ARHGEF25: variants seen among roughly 807,000 people sequenced by gnomAD.
ARHGEF25 encodes RAC/CDC42 exchange factor.
Under a neutral mutation model 74.0 loss-of-function variants are expected in ARHGEF25, and 42 were observed. That is an observed-to-expected ratio of 0.57 (90% confidence interval 0.44 to 0.73). The LOEUF (loss-of-function observed/expected upper bound fraction) is 0.73. ARHGEF25 is among the 30% of genes least tolerant of loss of function. The pLI is 0.00. For synonymous variants in ARHGEF25, 293 were observed against 278.6 expected, an observed-to-expected ratio of 1.05 and a Z score of -0.51; for missense variants, 645 against 725.5, an observed-to-expected ratio of 0.89 and a Z score of 1.27.
chr12:57,613,702 T>G lies in ARHGEF25; in HGVS notation c.494T>G (p.Leu165Arg). The G allele has an allele frequency of 6.2e-7, 1 of 1,614,134 alleles. No individual in the cohort carries two copies. The highest frequency in any genetic ancestry group is 8.5e-7 in the Non-Finnish European group (1 of 1,179,994). ...KKALERSMYV[L>R]SELVETEKMY... ...TCCTGCTTTCATCCTAGGTATGTCC[T>G]GAGTGAACTGGTAGAAACAGAGAAA... Residue 165 changes from leucine (L) to arginine (R), a missense_variant, in exon 5 of 15, where the codon CTG (leucine) becomes CGG (arginine). By Grantham distance (102) the Leu-to-Arg change is moderately radical. Coordinates refer to ENST00000286494, the MANE Select transcript of ARHGEF25 (RefSeq NM_182947.4).
chr12:57,614,235 AC>A lies in ARHGEF25; in HGVS notation c.657-95del. On this transcript the variant is annotated intron_variant, in intron 6 of 14. Coordinates refer to ENST00000286494, the MANE Select transcript of ARHGEF25 (RefSeq NM_182947.4). This position sits in a 1 kb window ranked among gnomAD's most constrained non-coding sequence, Gnocchi z 4.6. ...AATGTTTGGAGAAGTTTTGTAGGGC[AC>A]ACTACCAGGGCAGACAGCTCGAAAC... is the stretch of plus-strand genomic sequence containing the variant. 6.3e-7 allele frequency: 1 copy of A among 1,577,012 alleles called. No individual in the cohort carries two copies. The highest frequency in any genetic ancestry group is 8.7e-7 in the Non-Finnish European group (1 of 1,147,060).
intron 5 of ARHGEF25, 98 bp from the exon 6 acceptor site, chr12:57,613,918 G>T (rs554815055): frequency 1.4e-6 from 2 of 1,475,134 alleles, no homozygotes; most frequent in South Asian, 2.3e-5. Context: ...CACCAGGGAG[G>T]GGGAGGTGGA....
chr12:57,615,828 C>T lies in ARHGEF25; in HGVS notation c.1240-9C>T, dbSNP rs377137085. The T allele has an allele frequency of 2.8e-3, 4,519 of 1,612,894 alleles. 11 individuals carry two copies. The highest frequency in any genetic ancestry group is 3.5e-3 in the Non-Finnish European group (4,176 of 1,179,250). ...GAATCTGGGGGCTGTCTCCTATCTG[C>T]CAATTCAGGTGAGCTGCCTGGGACT... On this transcript the variant is annotated splice_polypyrimidine_tract_variant and intron_variant, in intron 12 of 14. Coordinates refer to ENST00000286494, the MANE Select transcript of ARHGEF25 (RefSeq NM_182947.4).
At chr12:57,616,052 C>T in intron 13 of ARHGEF25, 35 bp downstream of exon 13, 1 of 1,592,042 alleles carries the variant, frequency 6.3e-7, no homozygotes, top group Non-Finnish European at 8.6e-7. Context: ...GATGTGCTCT[C>T]TCAGCCCCTT....
chr12:57,613,462 C>T lies in ARHGEF25; in HGVS notation c.431C>T (p.Ser144Phe), dbSNP rs777469251. The T allele has an allele frequency of 6.2e-7, 1 of 1,614,100 alleles. No individual in the cohort carries two copies. Among genetic ancestry groups the T allele is most frequent in the Non-Finnish European group, 8.5e-7 (1 of 1,180,048 alleles). The change falls in exon 4 of 15, where the codon TCC (serine) becomes TTC (phenylalanine). Residue 144 changes from serine (S) to phenylalanine (F), a missense_variant. Coordinates refer to ENST00000286494, the MANE Select transcript of ARHGEF25 (RefSeq NM_182947.4). ...CAGCCACCTGAAGAGGAGACTTTGT[C>T]CCAAGCCCCTGAGAGTGAGGAGGAA... ...KTQPPEEETL[S>F]QAPESEEEQK...
At chr12:57,616,709 GACTTAA>G in intron 14 of ARHGEF25, 69 bp from the exon 15 acceptor site, 1 of 1,156,586 alleles carries the variant, frequency 8.6e-7, no homozygotes, top group Non-Finnish European at 1.3e-6. Flanking sequence ...CTTGGCTAGG[GACTTAA>G]ACTGAAAAGA....
intron 1 of ARHGEF25, 44 bp from the exon 2 acceptor site, chr12:57,612,886 G>A (rs775790345): frequency 6.3e-7 from 1 of 1,587,714 alleles, no homozygotes; most frequent in Admixed American, 1.7e-5. Flanking sequence ...TGAGTCTGGA[G>A]CTGGGGCAAG....
chr12:57,611,456 G>A lies in ARHGEF25; in HGVS notation c.-439G>A. On this transcript the variant is annotated 5_prime_UTR_variant, in exon 1 of 15. Transcript: ENST00000286494. This position sits in a 1 kb window ranked among gnomAD's most constrained non-coding sequence, Gnocchi z 4.5. Reference sequence around the variant, plus strand: ...TGTTATTCAGCTCTCCGCTCCGCTGGGACCCGCACAGCGCCAGTGGCTCGG... The same window carrying A: ...TGTTATTCAGCTCTCCGCTCCGCTGAGACCCGCACAGCGCCAGTGGCTCGG... The A allele has an allele frequency of 1.0e-6, 1 of 985,464 alleles. No homozygotes were observed. Among genetic ancestry groups the A allele is most frequent in the Non-Finnish European group, 1.2e-6 (1 of 830,032 alleles). 61.0% of individuals were successfully genotyped at this position (985,464 alleles called of 1,614,324 possible). A position where few individuals can be genotyped will look rare whatever the true frequency, so the allele number is the denominator to read the frequency against.
Position 57,616,498 on chromosome 12 carries a change from A to G in ARHGEF25, c.1632+3A>G. 2 of 1,613,432 alleles carry G rather than the reference A, an allele frequency of 1.2e-6. No individual in the cohort carries two copies. The highest frequency in any genetic ancestry group is 1.7e-6 in the Non-Finnish European group (2 of 1,179,654). Reference sequence around the variant, plus strand: ...CCCTCTTGCCACTGGATAAACAGGTATGACGAATAGAGCTCCCTCATTGTA... The same window carrying G: ...CCCTCTTGCCACTGGATAAACAGGTGTGACGAATAGAGCTCCCTCATTGTA... On this transcript the variant is annotated splice_donor_region_variant and intron_variant, in intron 14 of 14. Coordinates refer to ENST00000286494, the MANE Select transcript of ARHGEF25 (RefSeq NM_182947.4).
intron 11 of ARHGEF25, 59 bp from the exon 12 acceptor site, chr12:57,615,453 A>G (rs1311423131): frequency 6.2e-7 from 1 of 1,606,946 alleles, no homozygotes; most frequent in African/African-American, 1.3e-5. Flanking sequence ...GGAAGGGAGG[A>G]GCAGAGAATT....
In ARHGEF25 at chr12:57,613,303, C is replaced by T; in HGVS notation, c.352C>T (p.Leu118=). The T allele has an allele frequency of 1.2e-6, 2 of 1,614,250 alleles. No individual in the cohort carries two copies. Among genetic ancestry groups the T allele is most frequent in the Non-Finnish European group, 8.5e-7 (1 of 1,180,048 alleles). ...GCCAGCTCTAGCCACAGGAGAGGAGCTGCCGGAACTGACCTTGCTGACCAC... is the reference window on the plus strand; with the variant it reads ...GCCAGCTCTAGCCACAGGAGAGGAGTTGCCGGAACTGACCTTGCTGACCAC... ...LEPALATGEE[L]PELTLLTTLL... is the part of the protein sequence containing the mutation. The change falls in exon 3 of 15, where the codon CTG becomes TTG. Residue 118 remains leucine, a synonymous_variant. Coordinates refer to ENST00000286494, the MANE Select transcript of ARHGEF25 (RefSeq NM_182947.4).
chr12:57,613,796 T>C, intron 5 of ARHGEF25, 36 bp downstream of exon 5: 1 of 1,608,600 alleles, frequency 6.2e-7, no homozygotes, highest in Non-Finnish European at 8.5e-7. Context: ...CCCTCCTGCC[T>C]GCTTTTCCAT....
chr12:57,610,812 A>C (rs1318210764), upstream of ARHGEF25: 2 of 708,454 alleles, frequency 2.8e-6, no homozygotes, highest in Non-Finnish European at 2.2e-6. Context: ...AATCGCAGAG[A>C]CCTCCACTCT....
Position 57,615,511 on chromosome 12 carries a change from G to C in ARHGEF25, c.1039-1G>C. On this transcript the variant is annotated splice_acceptor_variant, in intron 11 of 14. Transcript: ENST00000286494. LOFTEE classifies it high-confidence loss of function. ...CAAGGCCACTATCCTTTTGGTTTCA[G>C]GGCAAACTGACTGCTCAGGGGAAGC... The C allele has an allele frequency of 1.9e-6, 3 of 1,614,138 alleles. No homozygotes were observed. The highest frequency in any genetic ancestry group is 2.5e-6 in the Non-Finnish European group (3 of 1,180,028).
intron 11 of ARHGEF25, 34 bp downstream of exon 11, chr12:57,615,348 T>A (rs1241871809): frequency 1.3e-6 from 2 of 1,588,870 alleles, no homozygotes; most frequent in African/African-American, 2.7e-5. Context: ...GGAGGCCCGA[T>A]GCTCTTCTGC....
rs1358657846 is a variant in ARHGEF25, at chr12:57,611,618, T to C, written c.-277T>C. On this transcript the variant is annotated 5_prime_UTR_variant, in exon 1 of 15. Transcript: ENST00000286494. The surrounding 1 kb of genome is among the most constrained non-coding windows in gnomAD (Gnocchi z 4.5). The stretch of plus-strand genomic sequence containing the variant: ...CCCCTTCCACTGGACATCTGGACCC[T>C]AGGCCCCCGCACCGACAGGGTTCCG... 2.0e-6 allele frequency: 2 copies of C among 1,025,386 alleles called. No homozygotes were observed. The highest frequency in any genetic ancestry group is 4.6e-5 in the South Asian group (1 of 21,640). The allele number at this position is 1,025,386 out of a possible 1,614,324, so 63.5% of individuals were successfully genotyped here. A position where few individuals can be genotyped will look rare whatever the true frequency, so the allele number is the denominator to read the frequency against.
In ARHGEF25 at chr12:57,614,766, C is replaced by T. The variant is rs1448824035; in HGVS notation, c.894C>T (p.Tyr298=). The T allele has an allele frequency of 6.2e-7, 1 of 1,610,100 alleles. No homozygotes were observed. Among genetic ancestry groups the T allele is most frequent in the South Asian group, 1.1e-5 (1 of 90,428 alleles). Residue 298 remains tyrosine (Y), a synonymous_variant, in exon 9 of 15, where the codon TAC becomes TAT. Coordinates refer to ENST00000286494, the MANE Select transcript of ARHGEF25 (RefSeq NM_182947.4). This position sits in a 1 kb window ranked among gnomAD's most constrained non-coding sequence, Gnocchi z 4.6. ...LIKPVQRIMK[Y]QLLLKDFLKY... ...AACCTGTGCAGCGGATCATGAAATACCAGCTGCTGCTCAAGGTCAGGACCC... is the reference window on the plus strand; with the variant it reads ...AACCTGTGCAGCGGATCATGAAATATCAGCTGCTGCTCAAGGTCAGGACCC...
rs971960726 is a variant in ARHGEF25, at chr12:57,616,092, C to T, written c.1420+75C>T. 1.6e-5 allele frequency: 25 copies of T among 1,539,234 alleles called. No homozygotes were observed. The South Asian group carries it at 3.0e-4, about 18-fold the overall frequency. ...TCCTGAATCCCTCACTGCCCAGTCT[C>T]CAGTACCTACCCTCTGACCATGGCC... On this transcript the variant is annotated intron_variant, in intron 13 of 14. Transcript: ENST00000286494.
At chr12:57,610,373 C>G (rs929306154), upstream of ARHGEF25, 78 of 1,287,372 alleles carry the variant, frequency 6.1e-5, no homozygotes, top group East Asian at 1.9e-3. Context: ...AGGAGGGCTG[C>G]ACCCACAACT....
Sources: allele counts gnomAD v4.1 joint callset, GRCh38; gene constraint gnomAD v4.1.1; non-coding constraint Gnocchi (gnomAD v3.1); transcripts MANE v1.5; gene names NCBI Gene and HGNC (gene_info 2026-07-23, HGNC 2026-07-21).